Variants in COL13A1 observed in about 807,000 individuals in gnomAD.
COL13A1 encodes the protein collagen alpha-1(XIII) chain.
COL13A1 carries 89 observed loss-of-function variants against 130.9 expected under a neutral mutation model. The ratio of observed to expected loss-of-function variants is 0.68; its 90% CI spans 0.57 to 0.81. The LOEUF (loss-of-function observed/expected upper bound fraction) is 0.81, where lower values mean the gene tolerates loss of function less well. Among genes scored for constraint, COL13A1 ranks in the 30% least tolerant of loss-of-function variants. The probability of loss-of-function intolerance (pLI) is 0.00; values close to 1 mark genes in which losing one functional copy is unlikely to be tolerated. For missense variants in COL13A1, 879 were observed against 934.6 expected (o/e 0.94, Z 0.78); for synonymous variants, 402 against 341.6 (o/e 1.18, Z -1.95).
At chr10:69,929,699 A>C (rs1320698294) in intron 28 of COL13A1, among the ~76,000 whole-genome samples, 1 of 152,184 alleles carries the variant, frequency 6.6e-6, no homozygotes, top group Non-Finnish European at 1.5e-5. Context: ...GGAGACAGGA[A>C]GGCAAGAACC....
rs2059793887 is a variant in COL13A1 at position 69,878,170 on chromosome 10, G to T, written c.462+105G>T. 2.1e-5 allele frequency: 14 copies of T among 680,494 alleles called. No homozygotes were observed. In the South Asian group the frequency reaches 2.1e-4, roughly 10 times the overall value. The allele number at this position is 680,494 out of a possible 1,614,324, so 42.2% of individuals were successfully genotyped here. On this transcript the variant is annotated intron_variant, in intron 6 of 40. Transcript: ENST00000645393. ...CCCCCCCATGAAAGCCGCAGCAGAG[G>T]GTGCTGGCTGGGCCTGCTGCCCTCA...
At chr10:69,926,940 G>A in intron 26 of COL13A1, 147 bp from the exon 27 acceptor site, 1 of 1,006,430 alleles carries the variant, frequency 9.9e-7, no homozygotes, top group South Asian at 1.3e-5. Context: ...GTGAGTCTGG[G>A]GGCCATGGAG....
At chr10:69,809,101 G>A (rs1047276234) in intron 1 of COL13A1, among the ~76,000 whole-genome samples, 1 of 152,170 alleles carries the variant, frequency 6.6e-6, no homozygotes, top group Non-Finnish European at 1.5e-5. Context: ...TACAGAGTCG[G>A]GGGGTGGCAA....
In COL13A1 at chr10:69,958,675, C is replaced by T. The variant is rs753806644; in HGVS notation, c.2185-24C>T. Reference sequence around the variant, plus strand: ...TGCAGACCCACTGAAACTAACAGAACATTGTTTTGTTTTTGTTTTGCAGTG... The same window carrying T: ...TGCAGACCCACTGAAACTAACAGAATATTGTTTTGTTTTTGTTTTGCAGTG... On this transcript the variant is annotated intron_variant, in intron 40 of 40. Coordinates refer to ENST00000645393, the MANE Select transcript of COL13A1 (RefSeq NM_001368882.1). The T allele has an allele frequency of 1.2e-5, 20 of 1,613,880 alleles. No homozygotes were observed. The Admixed American group carries it at 1.7e-4, about 13-fold the overall frequency.
At chr10:69,925,360 A>G (rs938510370) in intron 25 of COL13A1, among the ~76,000 whole-genome samples, 4 of 152,234 alleles carry the variant, frequency 2.6e-5, no homozygotes, top group Non-Finnish European at 5.9e-5. Flanking sequence ...TTAACCTTTT[A>G]TCTGTAGCTG....
chr10:69,915,217 A>C (rs887731583), intron 17 of COL13A1, among the ~76,000 whole-genome samples: 1 of 152,206 alleles, frequency 6.6e-6, no homozygotes, highest in Non-Finnish European at 1.5e-5. Context: ...GAAGAGAGGA[A>C]GGTTGTAAAG....
intron 1 of COL13A1, among the ~76,000 whole-genome samples, chr10:69,813,409 C>T (rs1234624175): frequency 6.6e-6 from 1 of 152,212 alleles, no homozygotes; most frequent in African/African-American, 2.4e-5. Flanking sequence ...GGGTATGTGC[C>T]TCCTGTCCCT....
chr10:69,930,163 T>C, intron 29 of COL13A1, 76 bp downstream of exon 29: 3 of 1,488,016 alleles, frequency 2.0e-6, no homozygotes, highest in African/African-American at 1.4e-5. Context: ...GCAGGAAGGC[T>C]CTAGAATTGG....
In COL13A1 at chr10:69,892,504, G is replaced by A. The variant is rs1003249011; in HGVS notation, c.604-2048G>A. On this transcript the variant is annotated intron_variant, in intron 10 of 40. Coordinates refer to ENST00000645393, the MANE Select transcript of COL13A1 (RefSeq NM_001368882.1). ...TCTGAGACTCAGGAATGACATAAGG[G>A]CTGTAAAGCAAGGCCTGGACTGAGT... 2.0e-4 allele frequency among the ~76,000 whole-genome samples: 30 copies of A among 152,194 alleles called. 1 individual carries two copies. The highest frequency in any genetic ancestry group is 7.2e-4 in the African/African-American group (30 of 41,454).
At chr10:69,840,800 G>A (rs914705917) in intron 2 of COL13A1, among the ~76,000 whole-genome samples, 3 of 152,116 alleles carry the variant, frequency 2.0e-5, no homozygotes, top group Non-Finnish European at 2.9e-5. Context: ...TTAAGTTGAC[G>A]TCAGGGAGGA....
At chr10:69,891,052 T>TA (rs1217525973) in intron 10 of COL13A1, among the ~76,000 whole-genome samples, 3 of 152,178 alleles carry the variant, frequency 2.0e-5, no homozygotes, top group Non-Finnish European at 2.9e-5. Flanking sequence ...ATGCATTTTT[T>TA]ATGGAGTATC....
chr10:69,851,612 T>A (rs890881431), intron 2 of COL13A1, among the ~76,000 whole-genome samples: 2 of 152,122 alleles, frequency 1.3e-5, no homozygotes, highest in African/African-American at 4.8e-5. Flanking sequence ...TGAACTGAAT[T>A]TTTTATTTTA....
At chr10:69,853,818 A>G (rs1378077892) in intron 2 of COL13A1, among the ~76,000 whole-genome samples, 1 of 152,180 alleles carries the variant, frequency 6.6e-6, no homozygotes, top group Non-Finnish European at 1.5e-5. Flanking sequence ...TATTCCGTGC[A>G]CACCGATTTC....
chr10:69,895,778 C>T (rs1245843191), intron 13 of COL13A1, among the ~76,000 whole-genome samples: 5 of 152,160 alleles, frequency 3.3e-5, no homozygotes, highest in African/African-American at 1.2e-4. Flanking sequence ...TGTGTCTCTC[C>T]AGCCATGTGC....
chr10:69,954,322 T>C (rs1200125209), intron 39 of COL13A1, among the ~76,000 whole-genome samples: 1 of 152,162 alleles, frequency 6.6e-6, no homozygotes. Flanking sequence ...CACCCTGAAG[T>C]TGGTTTTGGC....
intron 38 of COL13A1, 123 bp from the exon 39 acceptor site, chr10:69,952,759 C>T: frequency 1.5e-6 from 1 of 676,616 alleles, no homozygotes; most frequent in South Asian, 2.2e-5. Context: ...GGGAGAATAT[C>T]CTAATTTAAA....
chr10:69,836,336 C>T (rs1464335191), intron 2 of COL13A1, among the ~76,000 whole-genome samples: 5 of 152,286 alleles, frequency 3.3e-5, no homozygotes, highest in African/African-American at 2.4e-5. Context: ...CCAATCAAGG[C>T]GGGGCCAAGG....
intron 1 of COL13A1, among the ~76,000 whole-genome samples, chr10:69,808,562 C>G (rs1032522920): frequency 6.6e-6 from 1 of 152,224 alleles, no homozygotes; most frequent in Admixed American, 6.5e-5. Flanking sequence ...GCACGGAGAA[C>G]AGCAACCCAG....
At chr10:69,936,419 T>C (rs1446369648) in intron 32 of COL13A1, among the ~76,000 whole-genome samples, 1 of 152,178 alleles carries the variant, frequency 6.6e-6, no homozygotes, top group Non-Finnish European at 1.5e-5. Context: ...TATTGAAACT[T>C]ATTGGATGCT....
Sources: allele counts gnomAD v4.1 joint callset (sites outside exome capture counted in the v4.1 genomes callset), GRCh38; gene constraint gnomAD v4.1.1; transcripts MANE v1.5; gene names NCBI Gene and HGNC (gene_info 2026-07-23, HGNC 2026-07-21).